The following L3MBTL4 variants were observed in gnomAD, a reference collection of about 807,000 sequenced individuals.
L3MBTL4 encodes the protein lethal(3)malignant brain tumor-like protein 4.
L3MBTL4 carries 70 observed loss-of-function variants against 84.5 expected under a neutral mutation model. That is an observed-to-expected ratio of 0.83 (90% CI 0.68 to 1.01). The LOEUF is 1.01. Among genes scored for constraint, L3MBTL4 ranks in the 50% least tolerant of loss-of-function variants. The probability of loss-of-function intolerance (pLI) is 0.00; values close to 1 mark genes in which losing one functional copy is unlikely to be tolerated. For missense variants in L3MBTL4, 715 were observed against 754.8 expected (o/e 0.95, Z 0.62); for synonymous variants, 274 against 259.8 (o/e 1.05, Z -0.52).
chr18:6,293,899 T>C (rs1441441928), intron 4 of L3MBTL4, among the ~76,000 whole-genome samples: 1 of 152,196 alleles, frequency 6.6e-6, no homozygotes, highest in Non-Finnish European at 1.5e-5. Flanking sequence ...TGTTCCAGAT[T>C]GAGGGGACGG....
chr18:5,988,024 T>C (rs568349086), intron 16 of L3MBTL4, among the ~76,000 whole-genome samples: 6 of 152,358 alleles, frequency 3.9e-5, no homozygotes, highest in Admixed American at 1.3e-4. Context: ...TGTAAGTTAT[T>C]AGAAATAATG....
At chr18:6,205,514 C>T (rs1732509733) in intron 12 of L3MBTL4, among the ~76,000 whole-genome samples, 2 of 152,256 alleles carry the variant, frequency 1.3e-5, no homozygotes, top group African/African-American at 2.4e-5. Flanking sequence ...CACCTATCAA[C>T]CTGTCACCAC....
At chr18:6,143,145 A>G (rs2060247077) in intron 13 of L3MBTL4, among the ~76,000 whole-genome samples, 1 of 152,200 alleles carries the variant, frequency 6.6e-6, no homozygotes, top group Non-Finnish European at 1.5e-5. Context: ...TGATCTTTCA[A>G]TGAATGCTAC....
chr18:6,162,304 T>A (rs942480561), intron 13 of L3MBTL4, among the ~76,000 whole-genome samples: 1 of 152,174 alleles, frequency 6.6e-6, no homozygotes, highest in Non-Finnish European at 1.5e-5. Flanking sequence ...CTTTTAGTAG[T>A]CTTTGTAGTA....
chr18:6,086,729 G>A (rs535282505), intron 15 of L3MBTL4, among the ~76,000 whole-genome samples: 14 of 152,172 alleles, frequency 9.2e-5, no homozygotes, highest in South Asian at 4.2e-4. Flanking sequence ...TTTCTACTCC[G>A]CATTACTTCC....
At chr18:6,153,992 C>T (rs573657458) in intron 13 of L3MBTL4, among the ~76,000 whole-genome samples, 1 of 152,288 alleles carries the variant, frequency 6.6e-6, no homozygotes, top group Admixed American at 6.5e-5. Context: ...CAAAAGATTA[C>T]AGTATCAGCA....
chr18:6,352,294 CT>C lies in L3MBTL4; in HGVS notation c.-90-40239del, dbSNP rs1379083957. ...TCTTCTACAAACCCAATCTCCTCAT[CT>C]TTATGAGCTGAATCTTTTGGCTGAG... On this transcript the variant is annotated intron_variant, in intron 1 of 18. Coordinates refer to ENST00000317931, the MANE Select transcript of L3MBTL4 (RefSeq NM_001330559.2). 2.0e-5 allele frequency among the ~76,000 whole-genome samples: 3 copies of C among 152,214 alleles called. No homozygotes were observed. In the East Asian group the frequency reaches 5.8e-4, roughly 29 times the overall value.
At chr18:6,270,003 C>A (rs2048797480) in intron 4 of L3MBTL4, among the ~76,000 whole-genome samples, 1 of 152,166 alleles carries the variant, frequency 6.6e-6, no homozygotes, top group South Asian at 2.1e-4. Context: ...ATAAACACAA[C>A]CCTTCATGGT....
intron 4 of L3MBTL4, among the ~76,000 whole-genome samples, chr18:6,295,612 A>G (rs891016235): frequency 6.6e-6 from 1 of 152,074 alleles, no homozygotes; most frequent in Non-Finnish European, 1.5e-5. Context: ...AAATTATTTG[A>G]ACATACTGAA....
chr18:6,067,863 T>C (rs551953445), intron 16 of L3MBTL4, among the ~76,000 whole-genome samples: 22 of 152,302 alleles, frequency 1.4e-4, no homozygotes, highest in African/African-American at 5.3e-4. Flanking sequence ...TAGAACCCCA[T>C]TTTGTCATAT....
chr18:6,085,857 G>T (rs910389670), intron 15 of L3MBTL4, among the ~76,000 whole-genome samples: 3 of 152,164 alleles, frequency 2.0e-5, no homozygotes, highest in Non-Finnish European at 4.4e-5. Flanking sequence ...ACAGAGAACA[G>T]GTGGCAATCT....
At chr18:6,103,012 G>A (rs1232517621) in intron 14 of L3MBTL4, among the ~76,000 whole-genome samples, 6 of 152,090 alleles carry the variant, frequency 3.9e-5, no homozygotes, top group African/African-American at 1.2e-4. Context: ...AACTTCCAAG[G>A]TATAAAGTAC....
chr18:6,275,610 G>A (rs1226931801), intron 4 of L3MBTL4, among the ~76,000 whole-genome samples: 1 of 152,166 alleles, frequency 6.6e-6, no homozygotes, highest in Non-Finnish European at 1.5e-5. Flanking sequence ...TGAGGACGAG[G>A]CTCACAGGTG....
chr18:6,146,247 C>T (rs2042646669), intron 13 of L3MBTL4, among the ~76,000 whole-genome samples: 1 of 152,192 alleles, frequency 6.6e-6, no homozygotes, highest in South Asian at 2.1e-4. Context: ...ATCGTGGCTG[C>T]GACTGGAGTC....
intron 1 of L3MBTL4, among the ~76,000 whole-genome samples, chr18:6,364,472 A>G (rs899195823): frequency 3.3e-5 from 5 of 152,122 alleles, no homozygotes; most frequent in Admixed American, 6.5e-5. Flanking sequence ...CAGTCTTAAA[A>G]TATACAAATT....
chr18:6,186,884 A>G (rs1568280480), intron 12 of L3MBTL4, among the ~76,000 whole-genome samples: 1 of 152,184 alleles, frequency 6.6e-6, no homozygotes, highest in African/African-American at 2.4e-5. Flanking sequence ...GAGGCTGAAG[A>G]GCAAGACAAG....
At chr18:5,963,870 G>T (rs2052192349) in intron 17 of L3MBTL4, among the ~76,000 whole-genome samples, 2 of 152,170 alleles carry the variant, frequency 1.3e-5, no homozygotes, top group African/African-American at 2.4e-5. Flanking sequence ...GTAAAATGTG[G>T]ACAGCTGTCC....
At chr18:6,215,419 G>T (rs1433372013) in intron 11 of L3MBTL4, among the ~76,000 whole-genome samples, 1 of 152,116 alleles carries the variant, frequency 6.6e-6, no homozygotes, top group African/African-American at 2.4e-5. Context: ...CTGAGAGAGT[G>T]GTACTGTGAA....
At chr18:6,345,237 G>GAAAAAAA (rs60415566) in intron 1 of L3MBTL4, among the ~76,000 whole-genome samples, 9 of 111,678 alleles carry the variant, frequency 8.1e-5, no homozygotes, top group African/African-American at 1.7e-4. Context: ...AAAAAAAAAA[G>GAAAAAAA]AAAAAAAAAA....
Sources: gnomAD v4.1 joint callset for allele counts (sites outside exome capture counted in the v4.1 genomes callset) on GRCh38, gnomAD v4.1.1 for gene constraint, MANE v1.5 for transcripts, NCBI Gene and HGNC (gene_info 2026-07-23, HGNC 2026-07-21) for gene names.